Variants in SPIRE2 observed in about 807,000 individuals in gnomAD.
SPIRE2 encodes spire type actin nucleation factor 2, also known as protein spire homolog 2.
In SPIRE2, 76 loss-of-function variants were observed where a neutral mutation model predicts 80.7. The ratio of observed to expected loss-of-function variants is 0.94; its 90% CI spans 0.78 to 1.14. The LOEUF (loss-of-function observed/expected upper bound fraction) is 1.14. SPIRE2 is among the 50% of genes most tolerant of loss of function. SPIRE2 has a pLI of 0.00. For synonymous variants in SPIRE2, 535 were observed against 432.6 expected, an observed-to-expected ratio of 1.24 and a Z score of -2.94; for missense variants, 1,196 against 1,015.3, an observed-to-expected ratio of 1.18 and a Z score of -2.42.
intron 12 of SPIRE2, among the ~76,000 whole-genome samples, chr16:89,867,008 C>T (rs1475954878): frequency 6.6e-6 from 1 of 152,198 alleles, no homozygotes; most frequent in Non-Finnish European, 1.5e-5. Flanking sequence ...GTTGAGGCCC[C>T]TCTAGCTTCC....
intron 3 of SPIRE2, 95 bp from the exon 4 acceptor site, chr16:89,854,190 GC>G (rs2041665044): frequency 1.9e-5 from 22 of 1,132,184 alleles, no homozygotes; most frequent in Non-Finnish European, 2.8e-5. Context: ...GTCGAGTGGA[GC>G]CCCCGTGACG....
At chr16:89,853,216 T>G (rs1295554229) in intron 3 of SPIRE2, among the ~76,000 whole-genome samples, 2 of 152,200 alleles carry the variant, frequency 1.3e-5, no homozygotes, top group African/African-American at 4.8e-5. Context: ...TTGCCCAGGC[T>G]GGTCTCAAAC....
intron 7 of SPIRE2, among the ~76,000 whole-genome samples, chr16:89,856,662 A>G (rs188534446): frequency 7.2e-6 from 1 of 138,954 alleles, no homozygotes; most frequent in African/African-American, 2.7e-5. Flanking sequence ...GTTTCACCAT[A>G]TTGGCCAGAC....
intron 2 of SPIRE2, among the ~76,000 whole-genome samples, chr16:89,848,146 G>C (rs1054130255): frequency 2.6e-5 from 4 of 152,220 alleles, no homozygotes; most frequent in African/African-American, 9.6e-5. Flanking sequence ...TCTTCCAGTC[G>C]GCTTCCTCAC....
chr16:89,838,749 C>T (rs1166838676), intron 1 of SPIRE2, among the ~76,000 whole-genome samples: 2 of 152,164 alleles, frequency 1.3e-5, no homozygotes, highest in African/African-American at 2.4e-5. Context: ...TCCAACAGCC[C>T]GTGCTAGGAG....
intron 3 of SPIRE2, 40 bp downstream of exon 3, chr16:89,850,700 G>A: frequency 3.4e-6 from 4 of 1,166,616 alleles, no homozygotes; most frequent in Non-Finnish European, 4.6e-6. Context: ...GGTCCGGGAG[G>A]CCAGGGAGGG....
chr16:89,859,023 G>T, intron 8 of SPIRE2, 142 bp from the exon 9 acceptor site: 1 of 699,264 alleles, frequency 1.4e-6, no homozygotes, highest in Non-Finnish European at 2.3e-6. Flanking sequence ...GTCCAGAGGC[G>T]GGCAGGCTGG....
chr16:89,856,062 C>A (rs750256684), intron 6 of SPIRE2, 51 bp from the exon 7 acceptor site: 8 of 1,585,368 alleles, frequency 5.0e-6, no homozygotes, highest in Non-Finnish European at 6.9e-6. Flanking sequence ...GGTCCCGCTT[C>A]CCCACCGCAG....
At chr16:89,837,690 C>G (rs182502240) in intron 1 of SPIRE2, among the ~76,000 whole-genome samples, 3 of 151,588 alleles carry the variant, frequency 2.0e-5, no homozygotes, top group Admixed American at 2.0e-4. Context: ...ACTCGGGTCT[C>G]CGCACGCACC....
intron 1 of SPIRE2, among the ~76,000 whole-genome samples, chr16:89,830,755 C>A (rs1567666915): frequency 1.3e-5 from 2 of 150,912 alleles, no homozygotes; most frequent in East Asian, 1.9e-4. Context: ...TTGAAAAAAA[C>A]CAACAACAAA....
chr16:89,862,020 T>A (rs1315398011), intron 10 of SPIRE2: 4 of 151,088 alleles, frequency 2.6e-5, no homozygotes, highest in South Asian at 2.1e-4. Context: ...TTTTTTTTTT[T>A]GAGACAAGAG....
intron 3 of SPIRE2, 32 bp downstream of exon 3, chr16:89,850,692 T>C: frequency 3.2e-6 from 2 of 627,240 alleles, no homozygotes; most frequent in Non-Finnish European, 4.7e-6. Flanking sequence ...CCGTGGAGGG[T>C]CCGGGAGGCC....
chr16:89,852,921 C>T (rs1180442872), intron 3 of SPIRE2, among the ~76,000 whole-genome samples: 1 of 49,588 alleles, frequency 2.0e-5, no homozygotes, highest in Non-Finnish European at 3.7e-5. Context: ...TTCCGTCCTC[C>T]CTCTCACCCC....
At chr16:89,842,208 A>AGTTTTTTTTTTTTTT (rs2041512399) in intron 1 of SPIRE2, among the ~76,000 whole-genome samples, 1 of 81,306 alleles carries the variant, frequency 1.2e-5, no homozygotes, top group African/African-American at 6.1e-5. Flanking sequence ...TGAACACGTA[A>AGTTTTTTTTTTTTTT]TTTTTTTTTT....
intron 2 of SPIRE2, among the ~76,000 whole-genome samples, chr16:89,849,697 C>G (rs1306332341): frequency 6.6e-6 from 1 of 152,100 alleles, no homozygotes; most frequent in Non-Finnish European, 1.5e-5. Context: ...CAGGTCGGCA[C>G]CCCCATATCA....
chr16:89,861,401 C>A (rs1194565931), intron 10 of SPIRE2, among the ~76,000 whole-genome samples: 1 of 152,206 alleles, frequency 6.6e-6, no homozygotes, highest in East Asian at 1.9e-4. Flanking sequence ...CAGATGAGAA[C>A]AGATGTTAAA....
In SPIRE2 at chr16:89,859,486, C is replaced by T. The variant is rs1266199885; in HGVS notation, c.1462+132C>T. The T allele has an allele frequency of 9.3e-6, 4 of 428,850 alleles. No homozygotes were observed. The East Asian group carries it at 1.1e-4, about 11-fold the overall frequency. The allele number at this position is 428,850 out of a possible 1,614,324, so 26.6% of individuals were successfully genotyped here. On this transcript the variant is annotated intron_variant, in intron 9 of 14. Transcript: ENST00000378247. ...CAGGGACCCAGGGAGCTCGTGCCTG[C>T]AAGACGGCACCACCTCAGGCAGGCA...
chr16:89,850,866 C>T (rs974360752), intron 3 of SPIRE2, among the ~76,000 whole-genome samples: 7 of 151,992 alleles, frequency 4.6e-5, no homozygotes, highest in Non-Finnish European at 8.8e-5. Context: ...GACAGGGTCT[C>T]ACTCTGTCAC....
At chr16:89,831,950 T>C (rs893078513) in intron 1 of SPIRE2, among the ~76,000 whole-genome samples, 1 of 139,184 alleles carries the variant, frequency 7.2e-6, no homozygotes, top group Non-Finnish European at 1.7e-5. Context: ...GAAACATCCA[T>C]AGTGATCTAG....
Sources: allele counts gnomAD v4.1 joint callset (sites outside exome capture counted in the v4.1 genomes callset), GRCh38; gene constraint gnomAD v4.1.1; transcripts MANE v1.5; gene names NCBI Gene and HGNC (gene_info 2026-07-23, HGNC 2026-07-21).